The following INPP4B variants were observed in gnomAD, a reference collection of about 807,000 sequenced individuals.
The protein encoded by INPP4B is inositol polyphosphate-4-phosphatase type II B.
A neutral mutation model predicts 122.5 loss-of-function variants in INPP4B; 55 were observed. That is an observed-to-expected ratio of 0.45 (90% CI 0.36 to 0.56). INPP4B has a LOEUF of 0.56. Ranked by LOEUF, INPP4B falls within the 20% of genes least tolerant of loss-of-function variation. INPP4B has a pLI of 0.00. For missense variants in INPP4B, 1,000 were observed against 1,097.7 expected, an observed-to-expected ratio of 0.91 and a Z score of 1.26; for synonymous variants, 403 against 388.7, an observed-to-expected ratio of 1.04 and a Z score of -0.43.
In INPP4B at chr4:142,222,023, G is replaced by A. The variant is rs192807349; in HGVS notation, c.837-12997C>T. On this transcript the variant is annotated intron_variant, in intron 12 of 25. Coordinates refer to ENST00000262992, the MANE Select transcript of INPP4B (RefSeq NM_001101669.3). ...CACCCAGGCTGGAGTGCAATGGCAC[G>A]ATCTTGCCTCACTGCAACTTCTGCC... Among the ~76,000 whole-genome samples, 98 of 152,210 alleles carry A rather than the reference G, an allele frequency of 6.4e-4. 1 individual carries two copies. The East Asian group carries it at 0.014, about 21-fold the overall frequency.
intron 1 of INPP4B, among the ~76,000 whole-genome samples, chr4:142,790,741 A>T (rs1169635620): frequency 2.0e-5 from 3 of 152,044 alleles, no homozygotes; most frequent in Admixed American, 6.6e-5. Flanking sequence ...ATTAATATCT[A>T]TTTCTATATG....
At chr4:142,173,087 G>T (rs1273252669) in intron 16 of INPP4B, among the ~76,000 whole-genome samples, 1 of 151,826 alleles carries the variant, frequency 6.6e-6, no homozygotes, top group Non-Finnish European at 1.5e-5. Flanking sequence ...AAAAACTAAG[G>T]CTTAGATTAT....
intron 1 of INPP4B, among the ~76,000 whole-genome samples, chr4:142,731,809 A>G (rs2150882740): frequency 6.6e-6 from 1 of 152,296 alleles, no homozygotes; most frequent in African/African-American, 2.4e-5. Flanking sequence ...CTAACATGAT[A>G]TAGGAACACT....
intron 11 of INPP4B, among the ~76,000 whole-genome samples, chr4:142,242,130 A>G (rs77155843): frequency 0.029 from 4,460 of 152,302 alleles, 203 homozygotes; most frequent in African/African-American, 0.1. Context: ...TCTGTAATCC[A>G]ATTAGACACT....
intron 5 of INPP4B, among the ~76,000 whole-genome samples, chr4:142,407,563 G>A (rs1803703587): frequency 6.6e-6 from 1 of 152,114 alleles, no homozygotes; most frequent in African/African-American, 2.4e-5. Context: ...TAAAAATAAT[G>A]ATGATGCTTT....
At chr4:142,605,689 A>T (rs2150316296) in intron 2 of INPP4B, among the ~76,000 whole-genome samples, 1 of 152,098 alleles carries the variant, frequency 6.6e-6, no homozygotes, top group Admixed American at 6.6e-5. Context: ...AATGTTCAAC[A>T]TCATTAATCA....
chr4:142,799,878 ATT>A (rs996088737), intron 1 of INPP4B, among the ~76,000 whole-genome samples: 5 of 151,968 alleles, frequency 3.3e-5, no homozygotes, highest in Non-Finnish European at 7.4e-5. Flanking sequence ...TGCAATAAGT[ATT>A]TTTTGTTCTT....
intron 11 of INPP4B, among the ~76,000 whole-genome samples, chr4:142,256,059 A>G (rs1435330452): frequency 2.0e-5 from 3 of 150,980 alleles, no homozygotes; most frequent in Non-Finnish European, 4.4e-5. Flanking sequence ...CTCACTCAAA[A>G]CTGCTCAACT....
Position 142,756,593 on chromosome 4 carries a change from T to A in INPP4B, c.-253-30692A>T, listed in dbSNP as rs552099520. Among the ~76,000 whole-genome samples, 8 of 152,140 alleles carry A rather than the reference T, an allele frequency of 5.3e-5. No homozygotes were observed. The South Asian group carries it at 1.2e-3, about 24-fold the overall frequency. ...CAAACTCTGTGGGCATAGATTATTA[T>A]AACTTAGAAAGGAAAGGTGATTCAA... On this transcript the variant is annotated intron_variant, in intron 1 of 25. Transcript: ENST00000262992.
chr4:142,281,107 ATTT>A (rs5862581), intron 9 of INPP4B, among the ~76,000 whole-genome samples: 2 of 146,664 alleles, frequency 1.4e-5, no homozygotes, highest in African/African-American at 4.9e-5. Flanking sequence ...CATTTATTTC[ATTT>A]TTTTTTTTTG....
chr4:142,231,243 C>G (rs1429434365), intron 12 of INPP4B, among the ~76,000 whole-genome samples: 1 of 152,348 alleles, frequency 6.6e-6, no homozygotes, highest in Non-Finnish European at 1.5e-5. Context: ...AAAGCAGTTG[C>G]TGCGCCGTTA....
chr4:142,724,420 C>T (rs995397646), intron 2 of INPP4B, among the ~76,000 whole-genome samples: 4 of 152,030 alleles, frequency 2.6e-5, no homozygotes, highest in Non-Finnish European at 2.9e-5. Flanking sequence ...CTTTACTGTG[C>T]CATCTTCCAT....
At chr4:142,236,112 C>T (rs931373510) in intron 12 of INPP4B, among the ~76,000 whole-genome samples, 15 of 152,164 alleles carry the variant, frequency 9.9e-5, no homozygotes, top group African/African-American at 3.6e-4. Context: ...GAATCTCATG[C>T]TTGTCTACTG....
At chr4:142,364,326 T>TA (rs201837104) in intron 7 of INPP4B, among the ~76,000 whole-genome samples, 22 of 150,822 alleles carry the variant, frequency 1.5e-4, no homozygotes, top group South Asian at 6.3e-4. Context: ...CTTGTTTATT[T>TA]AAAAAAAAAT....
At chr4:142,481,019 C>T (rs1283261231) in intron 2 of INPP4B, among the ~76,000 whole-genome samples, 2 of 151,194 alleles carry the variant, frequency 1.3e-5, no homozygotes, top group Non-Finnish European at 2.9e-5. Context: ...CCTATAGTCC[C>T]AGCTACTCGG....
intron 2 of INPP4B, among the ~76,000 whole-genome samples, chr4:142,471,267 G>A (rs1222606361): frequency 6.6e-6 from 1 of 152,122 alleles, no homozygotes; most frequent in Non-Finnish European, 1.5e-5. Context: ...CTCACAGTAA[G>A]TGTTCATGTT....
At chr4:142,581,391 A>G (rs1317935297) in intron 2 of INPP4B, among the ~76,000 whole-genome samples, 2 of 151,996 alleles carry the variant, frequency 1.3e-5, no homozygotes, top group South Asian at 2.1e-4. Flanking sequence ...GTTACTGTCA[A>G]ATTAATAGGT....
At chr4:142,603,533 C>A (rs1478227201) in intron 2 of INPP4B, among the ~76,000 whole-genome samples, 1 of 151,700 alleles carries the variant, frequency 6.6e-6, no homozygotes, top group East Asian at 1.9e-4. Flanking sequence ...GGTGATATTA[C>A]AACTGATACC....
chr4:142,735,891 A>AAAGAAAT (rs1766794500), intron 1 of INPP4B, among the ~76,000 whole-genome samples: 1 of 151,452 alleles, frequency 6.6e-6, no homozygotes, highest in Admixed American at 6.6e-5. Context: ...CTAGGAGTTT[A>AAAGAAAT]AAGAAATTTA....
Sources: gnomAD v4.1 joint callset for allele counts (sites outside exome capture counted in the v4.1 genomes callset) on GRCh38, gnomAD v4.1.1 for gene constraint, MANE v1.5 for transcripts, NCBI Gene and HGNC (gene_info 2026-07-23, HGNC 2026-07-21) for gene names.